Variants in AKR1C8 observed in about 807,000 individuals in gnomAD.
AKR1C8 encodes the protein aldo-keto reductase family 1 member C-like protein 1.
the AKR1C8 span, among the ~76,000 whole-genome samples, chr10:5,141,135 C>G: frequency 6.6e-6 from 1 of 152,070 alleles, no homozygotes; most frequent in Non-Finnish European, 1.5e-5. Context: ...GTCATTGCAG[C>G]AATATTTACA....
chr10:5,166,239 T>C, the AKR1C8 span, among the ~76,000 whole-genome samples: 1 of 151,630 alleles, frequency 6.6e-6, no homozygotes, highest in Non-Finnish European at 1.5e-5. Flanking sequence ...TTCAATGCCA[T>C]CCCCATCAAG....
At chr10:5,119,686 C>A in the AKR1C8 span, among the ~76,000 whole-genome samples, 1 of 152,124 alleles carries the variant, frequency 6.6e-6, no homozygotes, top group African/African-American at 2.4e-5. Flanking sequence ...TTCTAATCCC[C>A]TCACCAAATA....
At chr10:5,129,791 A>C in the AKR1C8 span, among the ~76,000 whole-genome samples, 1 of 151,970 alleles carries the variant, frequency 6.6e-6, no homozygotes, top group Non-Finnish European at 1.5e-5. Context: ...ATTGCCAACA[A>C]AAAAAGCCAA....
the AKR1C8 span, chr10:5,184,924 T>C: frequency 2.2e-6 from 1 of 453,360 alleles, no homozygotes; most frequent in Non-Finnish European, 4.6e-6. Context: ...AAGCATCCAC[T>C]GTCTACCCAA....
the AKR1C8 span, chr10:5,160,892 G>A: frequency 1.1e-5 from 5 of 470,878 alleles, no homozygotes; most frequent in Middle Eastern, 3.2e-4. Flanking sequence ...TTCCCAGGCT[G>A]GAAAATAGAA....
the AKR1C8 span, among the ~76,000 whole-genome samples, chr10:5,172,191 T>C: frequency 6.6e-6 from 1 of 152,114 alleles, no homozygotes; most frequent in Non-Finnish European, 1.5e-5. Flanking sequence ...TCAGGAGGCC[T>C]AATTACTTTT....
At chr10:5,160,186 T>C in the AKR1C8 span, among the ~76,000 whole-genome samples, 1 of 152,122 alleles carries the variant, frequency 6.6e-6, no homozygotes, top group Non-Finnish European at 1.5e-5. Flanking sequence ...TATATGTTTG[T>C]CTCCTTGATT....
At chr10:5,129,162 A>T in the AKR1C8 span, among the ~76,000 whole-genome samples, 1 of 152,124 alleles carries the variant, frequency 6.6e-6, no homozygotes, top group South Asian at 2.1e-4. Context: ...GAAATTAAAT[A>T]ATCTGCTCTT....
chr10:5,185,049 A>T, the AKR1C8 span: 1 of 534,772 alleles, frequency 1.9e-6, no homozygotes, highest in Admixed American at 1.9e-5. Context: ...CAGCACTGGC[A>T]TGAAGGGTCC....
chr10:5,149,875 AT>A, the AKR1C8 span, among the ~76,000 whole-genome samples: 3 of 151,862 alleles, frequency 2.0e-5, no homozygotes, highest in South Asian at 6.2e-4. Flanking sequence ...GAGAAAAAAT[AT>A]TTTTCAAATT....
chr10:5,162,700 A>G, the AKR1C8 span, among the ~76,000 whole-genome samples: 1 of 152,202 alleles, frequency 6.6e-6, no homozygotes, highest in Non-Finnish European at 1.5e-5. Context: ...CCAGTAAAAT[A>G]TTTCAGAGTA....
At chr10:5,149,826 C>T in the AKR1C8 span, among the ~76,000 whole-genome samples, 1 of 151,644 alleles carries the variant, frequency 6.6e-6, no homozygotes, top group Non-Finnish European at 1.5e-5. Context: ...ATTAAGAATA[C>T]TCACAAATAC....
At chr10:5,125,787 G>T in the AKR1C8 span, among the ~76,000 whole-genome samples, 2 of 152,148 alleles carry the variant, frequency 1.3e-5, no homozygotes, top group Non-Finnish European at 2.9e-5. Flanking sequence ...AGCTGGTGCT[G>T]GTACCCACTG....
the AKR1C8 span, among the ~76,000 whole-genome samples, chr10:5,174,854 G>A: frequency 6.6e-6 from 1 of 151,924 alleles, no homozygotes; most frequent in South Asian, 2.1e-4. Flanking sequence ...AACAGGTTGT[G>A]AAAAGTTATA....
At chr10:5,183,733 C>T in the AKR1C8 span, among the ~76,000 whole-genome samples, 2 of 152,028 alleles carry the variant, frequency 1.3e-5, no homozygotes, top group East Asian at 3.9e-4. Flanking sequence ...CTTGGTAAAA[C>T]TCCTTTAAAC....
chr10:5,150,496 T>G, the AKR1C8 span, among the ~76,000 whole-genome samples: 1 of 152,032 alleles, frequency 6.6e-6, no homozygotes, highest in African/African-American at 2.4e-5. Flanking sequence ...TCAAAGAAAG[T>G]TAAACACTAT....
At chr10:5,150,123 G>T in the AKR1C8 span, among the ~76,000 whole-genome samples, 3 of 143,024 alleles carry the variant, frequency 2.1e-5, no homozygotes, top group Non-Finnish European at 4.4e-5. Flanking sequence ...TCTTCACTGA[G>T]GGGATTCCAG....
chr10:5,152,432 C>G, the AKR1C8 span, among the ~76,000 whole-genome samples: 2 of 152,194 alleles, frequency 1.3e-5, no homozygotes, highest in Non-Finnish European at 1.5e-5. Context: ...GTATAAGTAG[C>G]TTTGTGACTG....
chr10:5,169,183 G>A, the AKR1C8 span, among the ~76,000 whole-genome samples: 1 of 152,314 alleles, frequency 6.6e-6, no homozygotes, highest in South Asian at 2.1e-4. Context: ...GTAGTTAGAA[G>A]AGAAGTGATT....
Sources: gnomAD v4.1 joint callset for allele counts (sites outside exome capture counted in the v4.1 genomes callset) on GRCh38, gnomAD v4.1.1 for gene constraint, MANE v1.5 for transcripts, NCBI Gene and HGNC (gene_info 2026-07-23, HGNC 2026-07-21) for gene names.